SFRP1: variants seen among roughly 807,000 people sequenced by gnomAD.
SFRP1 encodes secreted frizzled-related protein 1.
SFRP1 carries 9 observed loss-of-function variants against 25.9 expected under a neutral mutation model. The ratio of observed to expected loss-of-function variants is 0.35; its 90% CI spans 0.21 to 0.61. The LOEUF is 0.61. Ranked by LOEUF, SFRP1 falls within the 20% of genes least tolerant of loss-of-function variation. The pLI is 0.78. For missense variants in SFRP1, 346 were observed against 418.2 expected, an observed-to-expected ratio of 0.83 and a Z score of 1.51; for synonymous variants, 178 against 174.0, an observed-to-expected ratio of 1.02 and a Z score of -0.18.
chr8:41,306,773 C>T (rs756565688), intron 1 of SFRP1: 1 of 1,598,126 alleles, frequency 6.3e-7, no homozygotes, highest in Non-Finnish European at 8.5e-7. Flanking sequence ...CCAAGCCAGG[C>T]TGAGAAGGGC....
chr8:41,285,236 C>A (rs1352119116), intron 2 of SFRP1, among the ~76,000 whole-genome samples: 1 of 152,162 alleles, frequency 6.6e-6, no homozygotes. Flanking sequence ...GAAAATGAAG[C>A]CCCCAGCCCC....
chr8:41,287,067 G>C (rs1045488648), intron 2 of SFRP1, among the ~76,000 whole-genome samples: 9 of 152,232 alleles, frequency 5.9e-5, no homozygotes, highest in African/African-American at 2.2e-4. Context: ...GAACAAGGCA[G>C]CCTGCCCCTC....
At chr8:41,306,389 T>C (rs1461405901) in intron 1 of SFRP1, among the ~76,000 whole-genome samples, 1 of 152,150 alleles carries the variant, frequency 6.6e-6, no homozygotes, top group Admixed American at 6.5e-5. Flanking sequence ...CTTATTCTCA[T>C]TGGAAAGTGC....
chr8:41,270,792 AGCCTGGGT>A (rs1026319077), intron 2 of SFRP1, among the ~76,000 whole-genome samples: 17 of 147,890 alleles, frequency 1.1e-4, no homozygotes, highest in Admixed American at 6.9e-4. Context: ...ACTGCACTCC[AGCCTGGGT>A]GACAGAGCAA....
chr8:41,306,751 G>A (rs1432319649), intron 1 of SFRP1: 1 of 1,597,962 alleles, frequency 6.3e-7, no homozygotes, highest in Non-Finnish European at 8.5e-7. Flanking sequence ...GTGGAGGTGA[G>A]TGAGGACGGT....
At chr8:41,279,074 G>C (rs1803603936) in intron 2 of SFRP1, among the ~76,000 whole-genome samples, 1 of 151,962 alleles carries the variant, frequency 6.6e-6, no homozygotes, top group Admixed American at 6.6e-5. Flanking sequence ...GCATGAGAAT[G>C]ACCCACGAGT....
intron 2 of SFRP1, among the ~76,000 whole-genome samples, chr8:41,291,712 C>T (rs1428852100): frequency 1.3e-5 from 2 of 152,142 alleles, no homozygotes; most frequent in East Asian, 3.9e-4. Flanking sequence ...TGGACACTCA[C>T]CAGCGCGGAG....
intron 2 of SFRP1, among the ~76,000 whole-genome samples, chr8:41,279,529 C>T (rs2117491756): frequency 6.6e-6 from 1 of 152,208 alleles, no homozygotes; most frequent in Admixed American, 6.5e-5. Context: ...GGACTTTGAT[C>T]CAAGAAGCCT....
chr8:41,296,331 C>A (rs1225548449), intron 2 of SFRP1, among the ~76,000 whole-genome samples: 1 of 152,182 alleles, frequency 6.6e-6, no homozygotes, highest in Non-Finnish European at 1.5e-5. Flanking sequence ...GCCAGATAAA[C>A]AACTTTCTTT....
chr8:41,279,021 C>T (rs998059745), intron 2 of SFRP1, among the ~76,000 whole-genome samples: 2 of 152,044 alleles, frequency 1.3e-5, no homozygotes, highest in Non-Finnish European at 2.9e-5. Context: ...TAGCCTTGGC[C>T]TTCCTGGCTC....
At chr8:41,278,691 A>G (rs145411420) in intron 2 of SFRP1, among the ~76,000 whole-genome samples, 1 of 152,336 alleles carries the variant, frequency 6.6e-6, no homozygotes, top group Admixed American at 6.5e-5. Context: ...CAAGAGCACC[A>G]TCTTGGTCAC....
intron 1 of SFRP1, among the ~76,000 whole-genome samples, chr8:41,307,726 G>GA (rs1385756946): frequency 6.6e-6 from 1 of 152,088 alleles, no homozygotes; most frequent in Non-Finnish European, 1.5e-5. Flanking sequence ...GACTTCCCAG[G>GA]ATTTTTTTTT....
At chr8:41,299,823 C>T (rs1803893115) in intron 2 of SFRP1, among the ~76,000 whole-genome samples, 1 of 152,052 alleles carries the variant, frequency 6.6e-6, no homozygotes, top group African/African-American at 2.4e-5. Context: ...TTCCAAGACA[C>T]AGATTTTCTG....
At chr8:41,303,629 T>C (rs769957814) in intron 1 of SFRP1, 91 bp from the exon 2 acceptor site, 1 of 980,790 alleles carries the variant, frequency 1.0e-6, no homozygotes, top group Non-Finnish European at 1.6e-6. Context: ...GGGTCCAGGC[T>C]GAAAGTGGCT....
intron 2 of SFRP1, among the ~76,000 whole-genome samples, chr8:41,279,900 T>C (rs1803613823): frequency 6.6e-6 from 1 of 152,254 alleles, no homozygotes; most frequent in South Asian, 2.1e-4. Context: ...TTCAAGGTTC[T>C]TGCTTATTCC....
At chr8:41,299,985 G>A (rs548936296) in intron 2 of SFRP1, among the ~76,000 whole-genome samples, 1 of 152,168 alleles carries the variant, frequency 6.6e-6, no homozygotes, top group African/African-American at 2.4e-5. Context: ...TGCAGGTGCC[G>A]CAGTGACTGT....
intron 2 of SFRP1, among the ~76,000 whole-genome samples, chr8:41,291,089 T>C (rs1011567473): frequency 6.6e-6 from 1 of 151,566 alleles, no homozygotes; most frequent in East Asian, 2.0e-4. Context: ...TTTGTATTTT[T>C]AGTGGAGACG....
At position 41,282,193 on chromosome 8, in the gene SFRP1, C is replaced by T. The variant is rs140557217; in HGVS notation, c.623-16704G>A. Among the ~76,000 whole-genome samples the T allele has an allele frequency of 3.7e-3, 567 of 152,326 alleles. 3 individuals carry two copies. The highest frequency in any genetic ancestry group is 0.013 in the African/African-American group (534 of 41,576). On this transcript the variant is annotated intron_variant, in intron 2 of 2. Transcript: ENST00000220772. ...CACCCAAGGTGTTCAGATGTGTGCA[C>T]CTTGTAGCTCTGTGTTTTGTAATGT...
rs534277497 is a variant in SFRP1 at position 41,265,035 on chromosome 8, C to G, written c.*132G>C. The G allele has an allele frequency of 1.5e-6, 1 of 667,606 alleles. No homozygotes were observed. Among genetic ancestry groups the G allele is most frequent in the Non-Finnish European group, 2.5e-6 (1 of 397,722 alleles). 41.4% of individuals were successfully genotyped at this position (667,606 alleles called of 1,614,324 possible). ...GAAGGGAGCGGGAATGCTGCAAGAA[C>G]AAGCCGACTGGATTACAATGTCCAC... On this transcript the variant is annotated 3_prime_UTR_variant, in exon 3 of 3. Coordinates refer to ENST00000220772, the MANE Select transcript of SFRP1 (RefSeq NM_003012.5).
Sources: gnomAD v4.1 joint callset for allele counts (sites outside exome capture counted in the v4.1 genomes callset) on GRCh38, gnomAD v4.1.1 for gene constraint, MANE v1.5 for transcripts, NCBI Gene and HGNC (gene_info 2026-07-23, HGNC 2026-07-21) for gene names.